The following TBL1X variants were observed in gnomAD, a reference collection of about 807,000 sequenced individuals.
TBL1X encodes transducin beta like 1 X-linked.
A neutral mutation model predicts 50.7 loss-of-function variants in TBL1X; 10 were observed. The ratio of observed to expected loss-of-function variants is 0.20; its 90% CI spans 0.12 to 0.33. The LOEUF (loss-of-function observed/expected upper bound fraction) is 0.33, where lower values mean the gene tolerates loss of function less well. Among genes scored for constraint, TBL1X ranks in the 10% least tolerant of loss-of-function variants. The probability of loss-of-function intolerance (pLI) is 1.00; values close to 1 mark genes in which losing one functional copy is unlikely to be tolerated. For missense variants in TBL1X, 340 were observed against 504.4 expected (o/e 0.67, Z 3.12); for synonymous variants, 190 against 214.7 (o/e 0.88, Z 1.01).
intron 1 of TBL1X, among the ~76,000 whole-genome samples, chrX:9,486,840 G>T (rs1160135696): frequency 9.0e-6 from 1 of 111,430 alleles, no homozygotes; most frequent in African/African-American, 3.3e-5. Flanking sequence ...ACAGAGAGCA[G>T]CTTTAAATTA....
intron 3 of TBL1X, among the ~76,000 whole-genome samples, chrX:9,648,814 G>A (rs773856506): frequency 9.8e-5 from 11 of 112,289 alleles, no homozygotes; most frequent in Non-Finnish European, 3.8e-5. Flanking sequence ...AAATTAAACA[G>A]CAAAGCCCTG....
At chrX:9,619,812 G>A (rs1399557657) in intron 2 of TBL1X, among the ~76,000 whole-genome samples, 1 of 111,608 alleles carries the variant, frequency 9.0e-6, no homozygotes, top group Non-Finnish European at 1.9e-5. Flanking sequence ...TCATGCTTGG[G>A]TGTCTGTCCT....
chrX:9,499,950 C>G (rs1039403792), intron 1 of TBL1X, among the ~76,000 whole-genome samples: 3 of 108,455 alleles, frequency 2.8e-5, no homozygotes, highest in African/African-American at 6.7e-5. Context: ...TGCACTCCAG[C>G]CTGGGCAACA....
intron 5 of TBL1X, 179 bp from the exon 6 acceptor site, chrX:9,683,864 C>G: frequency 1.7e-6 from 1 of 601,244 alleles, no homozygotes. Flanking sequence ...CCCTCTCTCC[C>G]TGCCCTTTCC....
chrX:9,619,429 C>A (rs1031601975), intron 2 of TBL1X, among the ~76,000 whole-genome samples: 2 of 111,700 alleles, frequency 1.8e-5, no homozygotes, highest in African/African-American at 6.5e-5. Context: ...TCCCTCCTGG[C>A]TTCTAGTTTC....
chrX:9,622,632 G>GT (rs1317271095), intron 2 of TBL1X, among the ~76,000 whole-genome samples: 1 of 110,722 alleles, frequency 9.0e-6, no homozygotes, highest in African/African-American at 3.3e-5. Context: ...ATTTTTTTGT[G>GT]TTTTTTGTTT....
intron 5 of TBL1X, among the ~76,000 whole-genome samples, chrX:9,672,271 C>T (rs145617119): frequency 2.1e-3 from 234 of 112,242 alleles, no homozygotes; most frequent in African/African-American, 7.2e-3. Context: ...TAGCCACTCA[C>T]CAAGGTGCCT....
Position 9,715,002 on chromosome X carries a change from C to G in TBL1X, c.1706C>G (p.Ser569Cys), listed in dbSNP as rs1449356623. ...GTGGGTGCCAGCGCGTCCGACGGCT[C>G]TGTAAGCAACACCTCTGGTTTGCTG... Reference protein sequence around the residue: ...DKVGASASDGSVCVLDLRK With the variant: ...DKVGASASDGCVCVLDLRK Residue 569 changes from serine to cysteine, a missense_variant and splice_region_variant, in exon 17 of 18, where the codon TCT becomes TGT. This residue lies in a region of TBL1X where 170 missense variants were observed against 272.6 expected (regional missense o/e 0.62). Transcript: ENST00000645353. The G allele has an allele frequency of 2.5e-6, 3 of 1,206,920 alleles. No individual in the cohort carries two copies. Among genetic ancestry groups the G allele is most frequent in the Non-Finnish European group, 3.4e-6 (3 of 893,270 alleles).
chrX:9,473,999 T>C lies in TBL1X; in HGVS notation c.-201+8552T>C, dbSNP rs1175264448. Reference sequence around the variant, plus strand: ...GAGTGTAATTCCTTTAAGCCAGTAGTCTCTAAATTTGGGGGAAGGACAGGG... The same window carrying C: ...GAGTGTAATTCCTTTAAGCCAGTAGCCTCTAAATTTGGGGGAAGGACAGGG... On this transcript the variant is annotated intron_variant, in intron 1 of 17. Coordinates refer to ENST00000645353, the MANE Select transcript of TBL1X (RefSeq NM_005647.4). Among the ~76,000 whole-genome samples, 6 of 112,339 alleles carry C rather than the reference T, an allele frequency of 5.3e-5. No homozygotes were observed. The Admixed American group carries it at 5.7e-4, about 11-fold the overall frequency.
chrX:9,578,987 C>G (rs1367197079), intron 2 of TBL1X, among the ~76,000 whole-genome samples: 1 of 111,795 alleles, frequency 8.9e-6, no homozygotes, highest in South Asian at 3.8e-4. Context: ...TTGGATCTAT[C>G]TTAGTGTAAA....
At chrX:9,573,998 A>G (rs929406941) in intron 2 of TBL1X, among the ~76,000 whole-genome samples, 1 of 112,075 alleles carries the variant, frequency 8.9e-6, no homozygotes, top group Admixed American at 9.4e-5. Flanking sequence ...CAGTATATTC[A>G]ATGCCGGCAT....
At chrX:9,542,360 T>C (rs2082219065) in intron 2 of TBL1X, among the ~76,000 whole-genome samples, 1 of 111,479 alleles carries the variant, frequency 9.0e-6, no homozygotes, top group South Asian at 3.8e-4. Flanking sequence ...CTGGAAGCCA[T>C]TCCAACACCA....
At chrX:9,633,507 G>A (rs1215327019) in intron 2 of TBL1X, among the ~76,000 whole-genome samples, 4 of 112,198 alleles carry the variant, frequency 3.6e-5, no homozygotes. Flanking sequence ...AGAGAAATGA[G>A]GATGCTGGCC....
chrX:9,572,028 C>T (rs1467047543), intron 2 of TBL1X, among the ~76,000 whole-genome samples: 1 of 111,718 alleles, frequency 9.0e-6, no homozygotes, highest in African/African-American at 3.3e-5. Flanking sequence ...ATTTTAAAGC[C>T]GAATCCAGGG....
At chrX:9,515,743 G>A (rs996873666) in intron 2 of TBL1X, among the ~76,000 whole-genome samples, 1 of 111,957 alleles carries the variant, frequency 8.9e-6, no homozygotes, top group Non-Finnish European at 1.9e-5. Flanking sequence ...GAGTGTCGTC[G>A]ATGCCAAGGA....
chrX:9,475,534 C>T (rs1167956364), intron 1 of TBL1X, among the ~76,000 whole-genome samples: 2 of 109,450 alleles, frequency 1.8e-5, no homozygotes, highest in East Asian at 5.6e-4. Flanking sequence ...GCGTGAACCA[C>T]CACGCCTGGC....
At chrX:9,525,286 A>G (rs979270136) in intron 2 of TBL1X, among the ~76,000 whole-genome samples, 1 of 111,914 alleles carries the variant, frequency 8.9e-6, no homozygotes, top group African/African-American at 3.3e-5. Context: ...ATTAGACTTG[A>G]GGTCAGAGTC....
At chrX:9,536,893 T>G (rs2082190754) in intron 2 of TBL1X, among the ~76,000 whole-genome samples, 1 of 112,046 alleles carries the variant, frequency 8.9e-6, no homozygotes, top group Admixed American at 9.4e-5. Flanking sequence ...CTTTAATCCC[T>G]CTTTCAGTGG....
At chrX:9,640,889 C>T (rs1424641786) in intron 3 of TBL1X, among the ~76,000 whole-genome samples, 1 of 111,667 alleles carries the variant, frequency 9.0e-6, no homozygotes, top group Non-Finnish European at 1.9e-5. Context: ...CCTTGGCTTC[C>T]CAAAGTGCTG....
Sources: gnomAD v4.1 joint callset for allele counts (sites outside exome capture counted in the v4.1 genomes callset) on GRCh38, gnomAD v4.1.1 for gene constraint, gnomAD v4.1.1 regional missense constraint, MANE v1.5 for transcripts, NCBI Gene and HGNC (gene_info 2026-07-23, HGNC 2026-07-21) for gene names.